CACNA2D3: variants seen among roughly 807,000 people sequenced by gnomAD.
The protein encoded by CACNA2D3 is calcium voltage-gated channel auxiliary subunit alpha2delta 3, also known as voltage-dependent calcium channel subunit alpha-2/delta-3.
In CACNA2D3, 60 loss-of-function variants were observed where a neutral mutation model predicts 160.6. The ratio of observed to expected loss-of-function variants is 0.37; its 90% CI spans 0.30 to 0.46. The LOEUF (loss-of-function observed/expected upper bound fraction) is 0.46. Ranked by LOEUF, CACNA2D3 falls within the 20% of genes least tolerant of loss-of-function variation. CACNA2D3 has a pLI of 1.00. For synonymous variants in CACNA2D3, 558 were observed against 492.9 expected, an observed-to-expected ratio of 1.13 and a Z score of -1.75; for missense variants, 1,205 against 1,365.0, an observed-to-expected ratio of 0.88 and a Z score of 1.85.
intron 11 of CACNA2D3, among the ~76,000 whole-genome samples, chr3:54,690,164 C>T (rs183927346): frequency 1.1e-3 from 173 of 152,160 alleles, no homozygotes; most frequent in Admixed American, 2.8e-3. Flanking sequence ...TGACCCACCA[C>T]GCCCAGCCAG....
chr3:54,925,082 A>G (rs1406058545), intron 27 of CACNA2D3: 2 of 1,614,116 alleles, frequency 1.2e-6, no homozygotes, highest in South Asian at 1.1e-5. Context: ...GAGGAGGTAA[A>G]TGGGAAGGGA....
chr3:54,208,846 G>T (rs993223013), intron 2 of CACNA2D3, among the ~76,000 whole-genome samples: 8 of 151,978 alleles, frequency 5.3e-5, no homozygotes, highest in African/African-American at 1.9e-4. Context: ...ACATGAGACT[G>T]GGCAGTTTAT....
chr3:54,968,368 T>G, intron 27 of CACNA2D3, 82 bp from the exon 28 acceptor site: 1 of 891,636 alleles, frequency 1.1e-6, no homozygotes, highest in East Asian at 2.6e-5. Flanking sequence ...CTTCTTGCCA[T>G]GACGGATAAT....
In CACNA2D3 at chr3:54,954,230, A is replaced by G. The variant is rs554508011; in HGVS notation, c.2450-14220A>G. Among the ~76,000 whole-genome samples the G allele has an allele frequency of 1.1e-4, 16 of 152,236 alleles. No homozygotes were observed. In the East Asian group the frequency reaches 3.1e-3, roughly 30 times the overall value. On this transcript the variant is annotated intron_variant, in intron 27 of 37. Transcript: ENST00000474759. Reference sequence around the variant, plus strand: ...GTCAGTGCTATGGCCTCCTCATTCCAAGGGAAGGTCACCTTCGAGTCAGTC... The same window carrying G: ...GTCAGTGCTATGGCCTCCTCATTCCGAGGGAAGGTCACCTTCGAGTCAGTC...
intron 35 of CACNA2D3, among the ~76,000 whole-genome samples, chr3:55,037,757 T>C (rs1703860693): frequency 6.6e-6 from 1 of 152,236 alleles, no homozygotes; most frequent in Non-Finnish European, 1.5e-5. Flanking sequence ...ACTTCTCCCC[T>C]CTGAAGCAAT....
chr3:54,555,308 A>G (rs905931708), intron 5 of CACNA2D3, among the ~76,000 whole-genome samples: 1 of 152,200 alleles, frequency 6.6e-6, no homozygotes, highest in African/African-American at 2.4e-5. Flanking sequence ...TGGGCTGACC[A>G]TCTCAGGCAC....
chr3:54,304,980 G>A (rs1490689066), intron 2 of CACNA2D3, among the ~76,000 whole-genome samples: 1 of 151,836 alleles, frequency 6.6e-6, no homozygotes, highest in African/African-American at 2.4e-5. Flanking sequence ...TCTGTATTTA[G>A]CATTATTTCA....
intron 5 of CACNA2D3, among the ~76,000 whole-genome samples, chr3:54,507,543 C>G (rs547411102): frequency 6.6e-6 from 1 of 152,272 alleles, no homozygotes. Flanking sequence ...GACACTGACA[C>G]CTGTGCCTCC....
chr3:54,928,160 C>G, intron 27 of CACNA2D3: 1 of 519,938 alleles, frequency 1.9e-6, no homozygotes. Context: ...TCGTGCCCCT[C>G]TTCTTTCTTA....
At chr3:54,730,514 T>C (rs1701365272) in intron 11 of CACNA2D3, among the ~76,000 whole-genome samples, 1 of 152,190 alleles carries the variant, frequency 6.6e-6, no homozygotes, top group African/African-American at 2.4e-5. Flanking sequence ...CTTTCCTTTC[T>C]TTCTTTTTGA....
chr3:54,724,708 T>G (rs963216240), intron 11 of CACNA2D3, among the ~76,000 whole-genome samples: 2 of 152,184 alleles, frequency 1.3e-5, no homozygotes, highest in Non-Finnish European at 2.9e-5. Context: ...AACAGAGATG[T>G]TCTTTGAAAC....
In CACNA2D3 at chr3:54,692,733, G is replaced by A. The variant is rs1700592143; in HGVS notation, c.1167+50492G>A. On this transcript the variant is annotated intron_variant, in intron 11 of 37. Coordinates refer to ENST00000474759, the MANE Select transcript of CACNA2D3 (RefSeq NM_018398.3). ...AACTCACCAAAAGGCAGGATGGGCTGTAGACCAGTTACAGGTTTCTTTCAT... is the reference window on the plus strand; with the variant it reads ...AACTCACCAAAAGGCAGGATGGGCTATAGACCAGTTACAGGTTTCTTTCAT... Among the ~76,000 whole-genome samples the A allele has an allele frequency of 2.0e-5, 3 of 152,296 alleles. No individual in the cohort carries two copies. In the South Asian group the frequency reaches 6.2e-4, roughly 32 times the overall value.
intron 2 of CACNA2D3, among the ~76,000 whole-genome samples, chr3:54,151,045 G>A (rs1700140865): frequency 6.6e-6 from 1 of 151,956 alleles, no homozygotes; most frequent in Non-Finnish European, 1.5e-5. Context: ...ATGGATGGGT[G>A]AATGGATGGA....
intron 6 of CACNA2D3, among the ~76,000 whole-genome samples, chr3:54,565,308 A>T (rs561957993): frequency 6.6e-6 from 1 of 152,300 alleles, no homozygotes; most frequent in East Asian, 1.9e-4. Flanking sequence ...AGCTGAGGGA[A>T]ATAGAAGGTG....
intron 11 of CACNA2D3, among the ~76,000 whole-genome samples, chr3:54,670,978 T>C (rs1209362368): frequency 1.3e-5 from 2 of 152,174 alleles, no homozygotes; most frequent in African/African-American, 4.8e-5. Flanking sequence ...AAATTATTAT[T>C]AATAATCTGG....
At chr3:54,775,337 C>A (rs995104502) in intron 13 of CACNA2D3, among the ~76,000 whole-genome samples, 5 of 152,132 alleles carry the variant, frequency 3.3e-5, no homozygotes, top group African/African-American at 1.2e-4. Context: ...AGCTATGGAG[C>A]CCTTTAGTTA....
intron 31 of CACNA2D3, among the ~76,000 whole-genome samples, chr3:54,995,930 G>C (rs58545621): frequency 0.19 from 29,173 of 152,170 alleles, 3,255 homozygotes; most frequent in East Asian, 0.33. Context: ...CCTCCCCACA[G>C]CATGCCCAAT....
chr3:54,382,771 G>A (rs760396884), intron 3 of CACNA2D3, among the ~76,000 whole-genome samples: 6 of 152,252 alleles, frequency 3.9e-5, no homozygotes, highest in Non-Finnish European at 7.3e-5. Flanking sequence ...GTGACAGAGC[G>A]AGACTCCGTC....
chr3:54,859,972 GCACACACACACACACACACA>G (rs1553891454), intron 17 of CACNA2D3, among the ~76,000 whole-genome samples: 2 of 133,786 alleles, frequency 1.5e-5, no homozygotes, highest in African/African-American at 5.6e-5. Context: ...GAAAGTAGAT[GCACACACACACACACACACA>G]CACACACACA....
Sources: allele counts gnomAD v4.1 joint callset (sites outside exome capture counted in the v4.1 genomes callset), GRCh38; gene constraint gnomAD v4.1.1; transcripts MANE v1.5; gene names NCBI Gene and HGNC (gene_info 2026-07-23, HGNC 2026-07-21).